GNA14: variants seen among roughly 807,000 people sequenced by gnomAD.
The protein encoded by GNA14 is G protein subunit alpha 14.
In GNA14, 50 loss-of-function variants were observed where a neutral mutation model predicts 42.0. The ratio of observed to expected loss-of-function variants is 1.19; its 90% CI spans 0.95 to 1.51. GNA14 has a LOEUF of 1.51. Ranked by LOEUF, GNA14 falls within the 40% of genes most tolerant of loss-of-function variation. The pLI is 0.00. For synonymous variants in GNA14, 173 were observed against 163.1 expected, an observed-to-expected ratio of 1.06 and a Z score of -0.46; for missense variants, 473 against 446.2, an observed-to-expected ratio of 1.06 and a Z score of -0.54.
intron 2 of GNA14, among the ~76,000 whole-genome samples, chr9:77,475,149 T>C (rs1352564498): frequency 6.6e-6 from 1 of 152,026 alleles, no homozygotes; most frequent in Admixed American, 6.5e-5. Context: ...ATTGCTTCCG[T>C]CACTCAGTGA....
chr9:77,485,702 T>TA (rs200190224), intron 2 of GNA14, among the ~76,000 whole-genome samples: 51 of 151,648 alleles, frequency 3.4e-4, no homozygotes, highest in African/African-American at 8.2e-4. Flanking sequence ...AGCAACCATT[T>TA]AAAAAAAAAC....
intron 1 of GNA14, among the ~76,000 whole-genome samples, chr9:77,576,785 G>T (rs1450973404): frequency 1.0e-5 from 1 of 99,178 alleles, no homozygotes; most frequent in Non-Finnish European, 2.5e-5. Flanking sequence ...ACGGTTAAAA[G>T]GTTAAAAAAA....
chr9:77,436,221 A>C (rs1466685023), intron 2 of GNA14, among the ~76,000 whole-genome samples: 1 of 152,124 alleles, frequency 6.6e-6, no homozygotes, highest in African/African-American at 2.4e-5. Flanking sequence ...ATCTCAAACA[A>C]GGTCCAGGCA....
At chr9:77,594,990 T>C (rs1044076237) in intron 1 of GNA14, among the ~76,000 whole-genome samples, 2 of 152,214 alleles carry the variant, frequency 1.3e-5, no homozygotes, top group Non-Finnish European at 2.9e-5. Context: ...ATGAAGCCTT[T>C]CCTGTTGCCT....
At position 77,537,555 on chromosome 9, in the gene GNA14, A is replaced by G. The variant is rs146332411; in HGVS notation, c.125-8302T>C. ...CTGTGATAAACATGCAAGCGCAGGT[A>G]TTCCTGTGATATACAGATTTCTTTT... On this transcript the variant is annotated intron_variant, in intron 1 of 6. Transcript: ENST00000341700. Among the ~76,000 whole-genome samples the G allele has an allele frequency of 6.3e-3, 961 of 152,322 alleles. 15 individuals carry two copies. The highest frequency in any genetic ancestry group is 0.022 in the African/African-American group (907 of 41,572).
intron 1 of GNA14, among the ~76,000 whole-genome samples, chr9:77,640,701 G>T (rs1169488011): frequency 1.3e-5 from 2 of 151,406 alleles, no homozygotes; most frequent in African/African-American, 4.9e-5. Context: ...TCTGAATTAG[G>T]GACTTGATAT....
chr9:77,569,826 G>A (rs1261894016), intron 1 of GNA14, among the ~76,000 whole-genome samples: 1 of 151,760 alleles, frequency 6.6e-6, no homozygotes, highest in African/African-American at 2.4e-5. Context: ...GAGTGCTGTG[G>A]CACAATCTTG....
intron 1 of GNA14, among the ~76,000 whole-genome samples, chr9:77,598,962 T>A (rs191829040): frequency 3.2e-4 from 49 of 152,300 alleles, no homozygotes; most frequent in Non-Finnish European, 6.0e-4. Flanking sequence ...GCTGGAGATA[T>A]AAACAAGAAC....
intron 2 of GNA14, among the ~76,000 whole-genome samples, chr9:77,452,233 C>T (rs1417210857): frequency 2.0e-5 from 3 of 152,108 alleles, no homozygotes; most frequent in Non-Finnish European, 2.9e-5. Context: ...ACTCATGTGA[C>T]GTGTGAGGCA....
chr9:77,634,470 G>GGGAAGGAA (rs200703217), intron 1 of GNA14, among the ~76,000 whole-genome samples: 1 of 146,474 alleles, frequency 6.8e-6, no homozygotes, highest in African/African-American at 2.5e-5. Context: ...AAAGGAAGGA[G>GGGAAGGAA]GGAAGGAAGG....
chr9:77,448,908 C>CA (rs768638992), intron 2 of GNA14, among the ~76,000 whole-genome samples: 99 of 152,152 alleles, frequency 6.5e-4, no homozygotes, highest in Non-Finnish European at 1.3e-3. Context: ...CCCCACTCTT[C>CA]AGAAGTCTTA....
rs199919572 is a variant in GNA14 at position 77,438,569 on chromosome 9, AT to A, written c.310-4048del. Among the ~76,000 whole-genome samples the A allele has an allele frequency of 1.3e-3, 197 of 149,388 alleles. 2 individuals are homozygous for A. The East Asian group carries it at 0.033, about 25-fold the overall frequency. On this transcript the variant is annotated intron_variant, in intron 2 of 6. Coordinates refer to ENST00000341700, the MANE Select transcript of GNA14 (RefSeq NM_004297.4). Reference sequence around the variant, plus strand: ...AGGCATAAGCCACCACGCCTAGCCGATTTTTTTTTTTAAAAAAAACCTTTTA... The same window carrying A: ...AGGCATAAGCCACCACGCCTAGCCGATTTTTTTTTTAAAAAAAACCTTTTA...
chr9:77,647,591 C>T (rs1311023701), intron 1 of GNA14, 79 bp downstream of exon 1: 23 of 1,493,330 alleles, frequency 1.5e-5, no homozygotes, highest in Non-Finnish European at 2.0e-5. Flanking sequence ...TCCAGGGCCG[C>T]GCGGGTGCCA....
chr9:77,530,750 T>A (rs1415303288), intron 1 of GNA14, among the ~76,000 whole-genome samples: 2 of 152,222 alleles, frequency 1.3e-5, no homozygotes, highest in Non-Finnish European at 2.9e-5. Flanking sequence ...ACCCACTGTC[T>A]TGCAGGCTCA....
intron 2 of GNA14, among the ~76,000 whole-genome samples, chr9:77,459,874 C>T (rs7046263): frequency 0.39 from 58,759 of 151,912 alleles, 12,166 homozygotes; most frequent in African/African-American, 0.51. Context: ...CTCTGCCAGG[C>T]ATTCTGTGCC....
intron 2 of GNA14, among the ~76,000 whole-genome samples, chr9:77,459,775 A>C (rs1836072678): frequency 6.6e-6 from 1 of 152,174 alleles, no homozygotes; most frequent in South Asian, 2.1e-4. Flanking sequence ...ATTTGACCCC[A>C]GACTCCCCTG....
chr9:77,432,520 C>G (rs1284969879), intron 3 of GNA14, among the ~76,000 whole-genome samples: 4 of 152,190 alleles, frequency 2.6e-5, no homozygotes, highest in Non-Finnish European at 5.9e-5. Flanking sequence ...ACCACAGTGC[C>G]TGGCGCATCA....
chr9:77,579,709 G>A lies in GNA14; in HGVS notation c.125-50456C>T, dbSNP rs138252422. Reference sequence around the variant, plus strand: ...CTCACCAAGATGCAAAAATGGGATCGATTTCGTTTCCCTTAGGTCTGCTGA... The same window carrying A: ...CTCACCAAGATGCAAAAATGGGATCAATTTCGTTTCCCTTAGGTCTGCTGA... On this transcript the variant is annotated intron_variant, in intron 1 of 6. Coordinates refer to ENST00000341700, the MANE Select transcript of GNA14 (RefSeq NM_004297.4). Among the ~76,000 whole-genome samples the A allele has an allele frequency of 6.6e-4, 101 of 152,206 alleles. No homozygotes were observed. In the East Asian group the frequency reaches 0.016, roughly 24 times the overall value.
chr9:77,445,221 C>G (rs946357699), intron 2 of GNA14, among the ~76,000 whole-genome samples: 1 of 152,088 alleles, frequency 6.6e-6, no homozygotes, highest in African/African-American at 2.4e-5. Flanking sequence ...AGCGGGGGTA[C>G]GAGAAAGGGA....
Sources: gnomAD v4.1 joint callset for allele counts (sites outside exome capture counted in the v4.1 genomes callset) on GRCh38, gnomAD v4.1.1 for gene constraint, MANE v1.5 for transcripts, NCBI Gene and HGNC (gene_info 2026-07-23, HGNC 2026-07-21) for gene names.